Variants in ASIC3 observed in about 807,000 individuals in gnomAD.
The protein encoded by ASIC3 is acid sensing ion channel subunit 3, also known as acid-sensing ion channel 3.
ASIC3 carries 46 observed loss-of-function variants against 58.6 expected under a neutral mutation model. The observed-to-expected ratio is 0.79, with a 90% confidence interval of 0.62 to 1.00. The LOEUF (loss-of-function observed/expected upper bound fraction) is 1.00. Ranked by LOEUF, ASIC3 falls within the 50% of genes least tolerant of loss-of-function variation. The probability of loss-of-function intolerance (pLI) is 0.00; values close to 1 mark genes in which losing one functional copy is unlikely to be tolerated. For synonymous variants in ASIC3, 336 were observed against 300.2 expected, an observed-to-expected ratio of 1.12 and a Z score of -1.23; for missense variants, 770 against 735.0, an observed-to-expected ratio of 1.05 and a Z score of -0.55.
At position 151,051,092 on chromosome 7, in the gene ASIC3, A is replaced by G. The variant is rs776359742; in HGVS notation, c.1063A>G (p.Ile355Val). Residue 355 changes from isoleucine (I) to valine (V), a missense_variant, in exon 5 of 11, where the codon ATA (isoleucine) becomes GTA (valine). Ile to Val is a conservative substitution (Grantham distance 29, BLOSUM62 3). Transcript: ENST00000349064. ...GTACAAGAACTGTGCCCACCCGGCCATAGGTAAGGGCGAGCCTCCCCCACC... is the reference window on the plus strand; with the variant it reads ...GTACAAGAACTGTGCCCACCCGGCCGTAGGTAAGGGCGAGCCTCCCCCACC... ...QQYKNCAHPA[I>V]DAMLRKDSCA... is the part of the protein sequence containing the mutation. 1 of 1,612,258 alleles carries G rather than the reference A, an allele frequency of 6.2e-7. No individual in the cohort carries two copies. The highest frequency in any genetic ancestry group is 8.5e-7 in the Non-Finnish European group (1 of 1,179,850).
At position 151,048,958 on chromosome 7, in the gene ASIC3, T is replaced by G. The variant is rs147990189; in HGVS notation, c.73T>G (p.Ser25Ala). The G allele has an allele frequency of 3.1e-6, 5 of 1,595,972 alleles. No homozygotes were observed. Among genetic ancestry groups the G allele is most frequent in the Non-Finnish European group, 3.4e-6 (4 of 1,167,332 alleles). Residue 25 changes from serine (S) to alanine (A), a missense_variant, in exon 1 of 11, where the codon TCG (serine) becomes GCG (alanine). Physicochemically the swap from Ser to Ala is moderately conservative, Grantham distance 99. Coordinates refer to ENST00000349064, the MANE Select transcript of ASIC3 (RefSeq NM_004769.4). Reference sequence around the variant, plus strand: ...CATCCGCGTGTTCGCCAGCAACTGCTCGATGCACGGGCTGGGCCACGTCTT... The same window carrying G: ...CATCCGCGTGTTCGCCAGCAACTGCGCGATGCACGGGCTGGGCCACGTCTT... ...SDIRVFASNC[S>A]MHGLGHVFGP...
chr7:151,052,150 T>C lies in ASIC3; in HGVS notation c.1387-16T>C. 6.2e-7 allele frequency: 1 copy of C among 1,613,932 alleles called. No individual in the cohort carries two copies. ...GAAGGTGTGCACTGGCCACCTCCCA[T>C]CCTGCTTGCCTCCAGGTGTTCCGAG... On this transcript the variant is annotated splice_polypyrimidine_tract_variant and intron_variant, in intron 8 of 10. Transcript: ENST00000349064. This position sits in a 1 kb window ranked among gnomAD's most constrained non-coding sequence, Gnocchi z 5.0.
Position 151,052,109 on chromosome 7 carries a change from C to T in ASIC3, c.1386+47C>T. The stretch of plus-strand genomic sequence containing the variant: ...AGGGGGTGGGAGGTGGGAATCAGGG[C>T]CCCTAGGATGAGGGGGAAGGTGTGC... On this transcript the variant is annotated intron_variant, in intron 8 of 10. Coordinates refer to ENST00000349064, the MANE Select transcript of ASIC3 (RefSeq NM_004769.4). This position sits in a 1 kb window ranked among gnomAD's most constrained non-coding sequence, Gnocchi z 5.0. 1.2e-6 allele frequency: 2 copies of T among 1,613,734 alleles called. No homozygotes were observed. Among genetic ancestry groups the T allele is most frequent in the Non-Finnish European group, 1.7e-6 (2 of 1,179,824 alleles).
chr7:151,050,437 G>A, intron 2 of ASIC3, 44 bp from the exon 3 acceptor site: 1 of 1,605,530 alleles, frequency 6.2e-7, no homozygotes, highest in South Asian at 1.1e-5. Flanking sequence ...TTGGGCAGGA[G>A]ACCTGACCAC....
chr7:151,051,287 C>T lies in ASIC3; in HGVS notation c.1182C>T (p.Ala394=), dbSNP rs760597883. 113 of 1,524,346 alleles carry T rather than the reference C, an allele frequency of 7.4e-5. No individual in the cohort carries two copies. The highest frequency in any genetic ancestry group is 9.2e-5 in the Non-Finnish European group (105 of 1,144,068). 94.4% of individuals were successfully genotyped at this position (1,524,346 alleles called of 1,614,324 possible). A position where few individuals can be genotyped will look rare whatever the true frequency, so the allele number is the denominator to read the frequency against. The change falls in exon 6 of 11, where the codon GCC becomes GCT. Residue 394 remains alanine, a synonymous_variant. Transcript: ENST00000349064. ...GCCGCGCCGCCGCGCGCTTCCTGGCCCGGAAGCTCAACCGCAGCGAGGCCT... is the reference window on the plus strand; with the variant it reads ...GCCGCGCCGCCGCGCGCTTCCTGGCTCGGAAGCTCAACCGCAGCGAGGCCT... The part of the protein sequence containing the change: ...IPSRAAARFL[A]RKLNRSEAYI...
At chr7:151,051,945 A>T in intron 7 of ASIC3, 38 bp from the exon 8 acceptor site, 1 of 1,613,414 alleles carries the variant, frequency 6.2e-7, no homozygotes, top group Admixed American at 1.7e-5. Flanking sequence ...GTGGGCAGGC[A>T]GGTGGCTGTA....
chr7:151,049,307 G>C lies in ASIC3; in HGVS notation c.422G>C (p.Ser141Thr). The C allele has an allele frequency of 1.2e-6, 2 of 1,613,072 alleles. No homozygotes were observed. The highest frequency in any genetic ancestry group is 8.5e-7 in the Non-Finnish European group (1 of 1,179,968). Residue 141 changes from serine (S) to threonine (T), a missense_variant, in exon 1 of 11, where the codon AGT becomes ACT. Ser to Thr is a moderately conservative substitution (Grantham distance 58). Coordinates refer to ENST00000349064, the MANE Select transcript of ASIC3 (RefSeq NM_004769.4). Reference sequence around the variant, plus strand: ...CCTGCACCGCCCGGCTTCATGCCCAGTCCCACCTTTGACATGGCGCAACTC... The same window carrying C: ...CCTGCACCGCCCGGCTTCATGCCCACTCCCACCTTTGACATGGCGCAACTC... ...RPPAPPGFMP[S>T]PTFDMAQLYA...
chr7:151,048,939 CG>C lies in ASIC3; in HGVS notation c.55del (p.Val19CysfsTer20). 6.3e-7 allele frequency: 1 copy of C among 1,580,654 alleles called. No individual in the cohort carries two copies. Among genetic ancestry groups the C allele is most frequent in the African/African-American group, 1.3e-5 (1 of 74,550 alleles). On this transcript the variant is annotated frameshift_variant, in exon 1 of 11. Coordinates refer to ENST00000349064, the MANE Select transcript of ASIC3 (RefSeq NM_004769.4). LOFTEE classifies it high-confidence loss of function. The stretch of plus-strand genomic sequence containing the variant: ...CCCGGCGGCCAGCCTCGGACATCCG[CG>C]TGTTCGCCAGCAACTGCTCGATGCA... ...EARRPASDIR[V>X]FASNCSMHGL...
At position 151,049,340 on chromosome 7, in the gene ASIC3, G is replaced by A. The variant is rs746740072; in HGVS notation, c.455G>A (p.Arg152His). 161 of 1,612,868 alleles carry A rather than the reference G, an allele frequency of 1.0e-4. No individual in the cohort carries two copies. The East Asian group carries it at 2.5e-3, about 25-fold the overall frequency. The change falls in exon 1 of 11, where the codon CGT becomes CAT. Residue 152 changes from arginine (R) to histidine (H), a missense_variant. Transcript: ENST00000349064. ...PTFDMAQLYA[R>H]AGHSLDDMLL... is the part of the protein sequence containing the mutation. ...TTTGACATGGCGCAACTCTATGCCC[G>A]TGCTGGGCACTCCCTGGATGACATG...
Position 151,049,068 on chromosome 7 carries a change from TGA to T in ASIC3, c.187_188del (p.Arg63GlyfsTer15). 1.2e-6 allele frequency: 2 copies of T among 1,613,460 alleles called. No homozygotes were observed. Among genetic ancestry groups the T allele is most frequent in the Non-Finnish European group, 8.5e-7 (1 of 1,179,518 alleles). On this transcript the variant is annotated frameshift_variant, in exon 1 of 11. Transcript: ENST00000349064. LOFTEE classifies it high-confidence loss of function. Reference sequence around the variant, plus strand: ...TGGCCACCTTCCTCTACCAGGTGGCTGAGAGGGTGCGCTACTACAGGGAGTTC... The same window carrying T: ...TGGCCACCTTCCTCTACCAGGTGGCTGAGGGTGCGCTACTACAGGGAGTTC... ...SVATFLYQVA[E>X]RVRYYREFHH... is the part of the protein sequence containing the mutation.
At position 151,050,181 on chromosome 7, in the gene ASIC3, G is replaced by T. The variant is rs1210489461; in HGVS notation, c.610G>T (p.Gly204Cys). 29 of 1,614,148 alleles carry T rather than the reference G, an allele frequency of 1.8e-5. No homozygotes were observed. Among genetic ancestry groups the T allele is most frequent in the Non-Finnish European group, 2.4e-5 (28 of 1,180,014 alleles). The change falls in exon 2 of 11, where the codon GGT becomes TGT. Residue 204 changes from glycine to cysteine, a missense_variant. Gly to Cys is a radical substitution (Grantham distance 159). Transcript: ENST00000349064. ...GGCAGAGCTGCTCACCACTACTAGGGGTGGCATGGGCAATGGGCTGGACAT... is the reference window on the plus strand; with the variant it reads ...GGCAGAGCTGCTCACCACTACTAGGTGTGGCATGGGCAATGGGCTGGACAT... ...DGAELLTTTR[G>C]GMGNGLDIML...
At position 151,050,186 on chromosome 7, in the gene ASIC3, C is replaced by T. The variant is rs774936830; in HGVS notation, c.615C>T (p.Gly205=). 1 of 1,614,098 alleles carries T rather than the reference C, an allele frequency of 6.2e-7. No homozygotes were observed. The highest frequency in any genetic ancestry group is 1.1e-5 in the South Asian group (1 of 91,076). Residue 205 remains glycine, a synonymous_variant, in exon 2 of 11, where the codon GGC becomes GGT. Transcript: ENST00000349064. ...AGCTGCTCACCACTACTAGGGGTGGCATGGGCAATGGGCTGGACATCATGC... is the reference window on the plus strand; with the variant it reads ...AGCTGCTCACCACTACTAGGGGTGGTATGGGCAATGGGCTGGACATCATGC... The part of the protein sequence containing the change: ...GAELLTTTRG[G]MGNGLDIMLD...
chr7:151,048,786 C>T lies in ASIC3; in HGVS notation c.-100C>T. 1 of 1,419,506 alleles carries T rather than the reference C, an allele frequency of 7.0e-7. No individual in the cohort carries two copies. The highest frequency in any genetic ancestry group is 2.3e-5 in the East Asian group (1 of 43,362). The allele number at this position is 1,419,506 out of a possible 1,614,324, so 87.9% of individuals were successfully genotyped here. On this transcript the variant is annotated 5_prime_UTR_variant, in exon 1 of 11. Coordinates refer to ENST00000349064, the MANE Select transcript of ASIC3 (RefSeq NM_004769.4). ...CCACCCTCTCTTCTCCTCTCCTTGCCTGGCCTCCTGAATCCTATCTTAGCC... is the reference window on the plus strand; with the variant it reads ...CCACCCTCTCTTCTCCTCTCCTTGCTTGGCCTCCTGAATCCTATCTTAGCC...
At position 151,051,253 on chromosome 7, in the gene ASIC3, G is replaced by C. The variant is rs757431074; in HGVS notation, c.1148G>C (p.Arg383Pro). ...TACGCCAAGGAGCTCTCCATGGTGC[G>C]GATCCCGAGCCGCGCCGCCGCGCGC... Reference protein sequence around the residue: ...TRYAKELSMVRIPSRAAARFL... With the variant: ...TRYAKELSMVPIPSRAAARFL... Residue 383 changes from arginine (R) to proline (P), a missense_variant, in exon 6 of 11, where the codon CGG becomes CCG. Physicochemically the swap from Arg to Pro is moderately radical, Grantham distance 103. Transcript: ENST00000349064. 7.1e-6 allele frequency: 11 copies of C among 1,545,520 alleles called. No individual in the cohort carries two copies. Among genetic ancestry groups the C allele is most frequent in the South Asian group, 1.2e-5 (1 of 84,548 alleles).
In ASIC3 at chr7:151,049,436, A is replaced by G. The variant is rs1447343380; in HGVS notation, c.534+17A>G. On this transcript the variant is annotated intron_variant, in intron 1 of 10. Transcript: ENST00000349064. Reference sequence around the variant, plus strand: ...TTCACCACGGTGAGCTGACCTCCCTACCTATCCTGCCAGGGACCCAGAGAG... The same window carrying G: ...TTCACCACGGTGAGCTGACCTCCCTGCCTATCCTGCCAGGGACCCAGAGAG... 6.4e-6 allele frequency: 10 copies of G among 1,555,792 alleles called. No homozygotes were observed. The highest frequency in any genetic ancestry group is 7.8e-6 in the Non-Finnish European group (9 of 1,151,486).
rs1273092065 is a variant in ASIC3 at position 151,050,828 on chromosome 7, C to T, written c.884C>T (p.Pro295Leu). The change falls in exon 4 of 11, where the codon CCC becomes CTC. Residue 295 changes from proline (P) to leucine (L), a missense_variant. Transcript: ENST00000349064. Reference protein sequence around the residue: ...ASLNPNYEPEPSDPLGSPSPS... With the variant: ...ASLNPNYEPELSDPLGSPSPS... ...CTGAACCCCAACTATGAGCCAGAGC[C>T]CTCTGATCCCCTAGGCTCCCCCAGC... The T allele has an allele frequency of 2.5e-6, 4 of 1,613,616 alleles. No individual in the cohort carries two copies. Among genetic ancestry groups the T allele is most frequent in the Non-Finnish European group, 1.7e-6 (2 of 1,179,856 alleles).
In ASIC3 at chr7:151,052,623, C is replaced by T. The variant is rs768140748; in HGVS notation, c.1567C>T (p.Arg523Cys). ...CACCAAGACTCTCTCCGCCTCCCACCGCACCTGCTACCTTGTCACACAGCT... is the reference window on the plus strand; with the variant it reads ...CACCAAGACTCTCTCCGCCTCCCACTGCACCTGCTACCTTGTCACACAGCT... Reference protein sequence around the residue: ...AVTKTLSASHRTCYLVTQL With the variant: ...AVTKTLSASHCTCYLVTQL Residue 523 changes from arginine to cysteine, a missense_variant, in exon 11 of 11, where the codon CGC (arginine) becomes TGC (cysteine). Arg to Cys is a radical substitution (Grantham distance 180, BLOSUM62 -3). Coordinates refer to ENST00000349064, the MANE Select transcript of ASIC3 (RefSeq NM_004769.4). The surrounding 1 kb of genome is among the most constrained non-coding windows in gnomAD (Gnocchi z 5.0). 4.7e-5 allele frequency: 76 copies of T among 1,614,048 alleles called. No homozygotes were observed. The highest frequency in any genetic ancestry group is 5.9e-5 in the Non-Finnish European group (70 of 1,180,026).
intron 1 of ASIC3, among the ~76,000 whole-genome samples, 196 bp from the exon 2 acceptor site, chr7:151,049,909 CG>C (rs955190645): frequency 6.6e-6 from 1 of 152,086 alleles, no homozygotes; most frequent in African/African-American, 2.4e-5. Context: ...TGGGGATTGG[CG>C]GGGTGGAGGA....
chr7:151,052,123 G>A lies in ASIC3; in HGVS notation c.1387-43G>A, dbSNP rs1468017192. On this transcript the variant is annotated intron_variant, in intron 8 of 10. Coordinates refer to ENST00000349064, the MANE Select transcript of ASIC3 (RefSeq NM_004769.4). This position sits in a 1 kb window ranked among gnomAD's most constrained non-coding sequence, Gnocchi z 5.0. ...GGGAATCAGGGCCCCTAGGATGAGG[G>A]GGAAGGTGTGCACTGGCCACCTCCC... 1.2e-6 allele frequency: 2 copies of A among 1,613,654 alleles called. No individual in the cohort carries two copies. Among genetic ancestry groups the A allele is most frequent in the Non-Finnish European group, 1.7e-6 (2 of 1,179,836 alleles).
Sources: allele counts gnomAD v4.1 joint callset (sites outside exome capture counted in the v4.1 genomes callset), GRCh38; gene constraint gnomAD v4.1.1; non-coding constraint Gnocchi (gnomAD v3.1); transcripts MANE v1.5; gene names NCBI Gene and HGNC (gene_info 2026-07-23, HGNC 2026-07-21).